TENM4: variants seen among roughly 807,000 people sequenced by gnomAD.
The protein encoded by TENM4 is teneurin-4.
TENM4 carries 82 observed loss-of-function variants against 243.3 expected under a neutral mutation model. That is an observed-to-expected ratio of 0.34 (90% confidence interval 0.28 to 0.40). TENM4 has a LOEUF of 0.40. TENM4 is among the 10% of genes least tolerant of loss of function. The pLI, the probability that TENM4 is intolerant of heterozygous loss-of-function variation, is 1.00. For synonymous variants in TENM4, 1,412 were observed against 1,456.3 expected (o/e 0.97, Z 0.69); for missense variants, 3,138 against 3,673.3 (o/e 0.85, Z 3.77).
chr11:78,661,951 C>G (rs1417802017), intron 32 of TENM4, among the ~76,000 whole-genome samples: 1 of 152,160 alleles, frequency 6.6e-6, no homozygotes, highest in Non-Finnish European at 1.5e-5. Flanking sequence ...GAGATACTTA[C>G]AAAGGACAGC....
chr11:79,183,542 T>C (rs1378604428), intron 3 of TENM4, among the ~76,000 whole-genome samples: 1 of 152,310 alleles, frequency 6.6e-6, no homozygotes, highest in African/African-American at 2.4e-5. Flanking sequence ...ATGTGAGCTA[T>C]GGACTTTGGG....
At chr11:79,310,930 A>T (rs1590870454) in intron 1 of TENM4, among the ~76,000 whole-genome samples, 1 of 152,216 alleles carries the variant, frequency 6.6e-6, no homozygotes, top group African/African-American at 2.4e-5. Flanking sequence ...CCTTTTTTAA[A>T]AAATAAATTA....
intron 6 of TENM4, among the ~76,000 whole-genome samples, chr11:78,925,139 GC>G (rs1856526749): frequency 6.6e-6 from 1 of 152,100 alleles, no homozygotes; most frequent in African/African-American, 2.4e-5. Flanking sequence ...GACATTTCCA[GC>G]TTTTTCCCCT....
intron 7 of TENM4, among the ~76,000 whole-genome samples, chr11:78,902,086 G>A (rs943083616): frequency 4.6e-5 from 7 of 152,134 alleles, no homozygotes; most frequent in Non-Finnish European, 5.9e-5. Context: ...CAGGAGTTTG[G>A]GGAAATAAAA....
chr11:79,316,337 G>C lies in TENM4; in HGVS notation c.-320-18794C>G, dbSNP rs376192843. ...GAAAAATATAAACAAGGCTGGTTTC[G>C]ACATCTTTTACCAGTTACTACAAAA... On this transcript the variant is annotated intron_variant, in intron 1 of 33. Transcript: ENST00000278550. Among the ~76,000 whole-genome samples, 9 of 152,254 alleles carry C rather than the reference G, an allele frequency of 5.9e-5. No individual in the cohort carries two copies. In the South Asian group the frequency reaches 1.9e-3, roughly 32 times the overall value.
intron 18 of TENM4, among the ~76,000 whole-genome samples, chr11:78,764,136 C>T (rs1856491218): frequency 6.6e-6 from 1 of 152,190 alleles, no homozygotes; most frequent in African/African-American, 2.4e-5. Flanking sequence ...CACCAGAGAC[C>T]CATTTTCCCT....
intron 6 of TENM4, among the ~76,000 whole-genome samples, chr11:79,062,170 C>G (rs1182801544): frequency 1.3e-5 from 2 of 152,062 alleles, no homozygotes; most frequent in Non-Finnish European, 2.9e-5. Context: ...CCATGTTGCC[C>G]AGGCTGGTCT....
At chr11:79,138,865 C>T (rs961042152) in intron 4 of TENM4, among the ~76,000 whole-genome samples, 1,059 of 90,438 alleles carry the variant, frequency 0.012, 71 homozygotes, top group East Asian at 0.066. Flanking sequence ...ACAAAATATA[C>T]CTTATATTTA....
chr11:79,058,557 C>T (rs1411801633), intron 6 of TENM4, among the ~76,000 whole-genome samples: 2 of 146,376 alleles, frequency 1.4e-5, no homozygotes, highest in African/African-American at 2.6e-5. Flanking sequence ...AAAAAAAAAA[C>T]AAAAAAAAGG....
intron 6 of TENM4, among the ~76,000 whole-genome samples, chr11:79,012,613 T>G (rs879172729): frequency 6.6e-6 from 1 of 152,176 alleles, no homozygotes; most frequent in Admixed American, 6.5e-5. Flanking sequence ...TCTGAAAACA[T>G]GAAGGATTAT....
intron 2 of TENM4, among the ~76,000 whole-genome samples, chr11:79,260,846 A>C (rs1403556825): frequency 2.0e-5 from 3 of 152,166 alleles, no homozygotes; most frequent in African/African-American, 7.2e-5. Flanking sequence ...CCAACCCCAG[A>C]TAATGCCAAA....
intron 1 of TENM4, among the ~76,000 whole-genome samples, chr11:79,307,053 T>C (rs866616433): frequency 6.6e-6 from 1 of 152,202 alleles, no homozygotes; most frequent in Non-Finnish European, 1.5e-5. Context: ...TCAACCACTA[T>C]CAGACCACCT....
chr11:79,085,376 C>CAA (rs36035068), intron 4 of TENM4, among the ~76,000 whole-genome samples: 3,709 of 79,006 alleles, frequency 0.047, 160 homozygotes, highest in African/African-American at 0.12. Flanking sequence ...GACTCTGTCT[C>CAA]AAAAAAAAAA....
At chr11:79,207,524 C>G (rs2135206089) in intron 3 of TENM4, among the ~76,000 whole-genome samples, 1 of 152,222 alleles carries the variant, frequency 6.6e-6, no homozygotes, top group Non-Finnish European at 1.5e-5. Flanking sequence ...AGATTTGAAA[C>G]CAGAGCCTGA....
chr11:78,805,548 T>A, intron 14 of TENM4, 56 bp from the exon 15 acceptor site: 1 of 1,538,068 alleles, frequency 6.5e-7, no homozygotes, highest in Admixed American at 2.0e-5. Context: ...AAGGTGAGGC[T>A]TCTTTAAGCA....
intron 1 of TENM4, among the ~76,000 whole-genome samples, chr11:79,369,481 G>A (rs976953745): frequency 2.0e-5 from 3 of 152,186 alleles, no homozygotes; most frequent in Non-Finnish European, 4.4e-5. Context: ...AGGAACAGAG[G>A]TGGGCACTTC....
Position 78,919,674 on chromosome 11 carries a change from C to T in TENM4, c.494-16151G>A, listed in dbSNP as rs112543178. Reference sequence around the variant, plus strand: ...CAGGGTCAGGAGGGATTCATTAAGACGTCTGAATGCCTAGATCTAGCTGCG... The same window carrying T: ...CAGGGTCAGGAGGGATTCATTAAGATGTCTGAATGCCTAGATCTAGCTGCG... On this transcript the variant is annotated intron_variant, in intron 6 of 33. Coordinates refer to ENST00000278550, the MANE Select transcript of TENM4 (RefSeq NM_001098816.3). 5.5e-3 allele frequency among the ~76,000 whole-genome samples: 842 copies of T among 152,228 alleles called. 7 individuals carry two copies. The highest frequency in any genetic ancestry group is 0.019 in the African/African-American group (798 of 41,540).
chr11:79,422,877 G>C (rs142622512), intron 1 of TENM4, among the ~76,000 whole-genome samples: 3 of 152,260 alleles, frequency 2.0e-5, no homozygotes, highest in Non-Finnish European at 2.9e-5. Flanking sequence ...GCAGGCATTT[G>C]CTTGTCACCT....
At chr11:79,385,358 C>T (rs528217141) in intron 1 of TENM4, among the ~76,000 whole-genome samples, 1 of 152,262 alleles carries the variant, frequency 6.6e-6, no homozygotes, top group East Asian at 1.9e-4. Flanking sequence ...ACCAGATGGT[C>T]AATAATGTTC....
Sources: allele counts gnomAD v4.1 joint callset (sites outside exome capture counted in the v4.1 genomes callset), GRCh38; gene constraint gnomAD v4.1.1; transcripts MANE v1.5; gene names NCBI Gene and HGNC (gene_info 2026-07-23, HGNC 2026-07-21).